The following MRPL37 variants were observed in gnomAD, a reference collection of about 807,000 sequenced individuals.
MRPL37 encodes mitochondrial ribosomal protein L37, also known as large ribosomal subunit protein mL37.
Under a neutral mutation model 44.1 loss-of-function variants are expected in MRPL37, and 34 were observed. The observed-to-expected ratio is 0.77, with a 90% CI of 0.59 to 1.03. MRPL37 has a LOEUF of 1.03. Among genes scored for constraint, MRPL37 ranks in the 50% least tolerant of loss-of-function variants. MRPL37 has a pLI of 0.00. For synonymous variants in MRPL37, 212 were observed against 219.5 expected, an observed-to-expected ratio of 0.97 and a Z score of 0.30; for missense variants, 532 against 543.7, an observed-to-expected ratio of 0.98 and a Z score of 0.21.
downstream of MRPL37, among the ~76,000 whole-genome samples, chr1:54,224,434 G>A (rs949097496): frequency 3.3e-5 from 5 of 152,138 alleles, no homozygotes; most frequent in Non-Finnish European, 4.4e-5. Context: ...AGCACTTCAC[G>A]GTGCTAACCT....
In MRPL37 at chr1:54,218,221, T is replaced by C; in HGVS notation, c.1244T>C (p.Leu415Ser). 2 of 1,614,252 alleles carry C rather than the reference T, an allele frequency of 1.2e-6. No individual in the cohort carries two copies. Among genetic ancestry groups the C allele is most frequent in the South Asian group, 2.2e-5 (2 of 91,078 alleles). The change falls in exon 7 of 7, where the codon TTA (leucine) becomes TCA (serine). Residue 415 changes from leucine to serine, a missense_variant. Transcript: ENST00000360840. The stretch of plus-strand genomic sequence containing the variant: ...AAGCCAGAGACATTCAGAAAGTTTT[T>C]AGCTCTATATTTGCATGGTGCTGCG... ...GFKPETFRKF[L>S]ALYLHGAA is the part of the protein sequence containing the mutation.
chr1:54,225,044 GA>G, downstream of MRPL37: 1 of 1,206,500 alleles, frequency 8.3e-7, no homozygotes, highest in Non-Finnish European at 1.0e-6. Flanking sequence ...AGAAAGCAGG[GA>G]GTGGCTGTGG....
At chr1:54,209,804 C>G (rs925725654) in intron 3 of MRPL37, 142 bp from the exon 4 acceptor site, 10 of 811,294 alleles carry the variant, frequency 1.2e-5, no homozygotes, top group Non-Finnish European at 1.9e-5. Flanking sequence ...GTCATGTTGC[C>G]CAGGCTGACC....
At chr1:54,222,012 C>T (rs915283762), downstream of MRPL37, among the ~76,000 whole-genome samples, 2 of 152,222 alleles carry the variant, frequency 1.3e-5, no homozygotes, top group African/African-American at 4.8e-5. Context: ...CTTCCCCACA[C>T]CTGGGCGCCT....
chr1:54,223,166 C>T (rs953243898), downstream of MRPL37, among the ~76,000 whole-genome samples: 3 of 152,216 alleles, frequency 2.0e-5, no homozygotes, highest in Admixed American at 1.3e-4. Flanking sequence ...TTACATCCAA[C>T]CCCCAGCCCC....
At chr1:54,223,824 A>G (rs533613263), downstream of MRPL37, among the ~76,000 whole-genome samples, 13 of 152,282 alleles carry the variant, frequency 8.5e-5, no homozygotes, top group Non-Finnish European at 1.8e-4. Context: ...GTATCTTTCC[A>G]CTGGCTCATG....
In MRPL37 at chr1:54,200,295, C is replaced by T. The variant is rs1644068010; in HGVS notation, c.52C>T (p.Leu18Phe). Residue 18 changes from leucine (L) to phenylalanine (F), a missense_variant, in exon 1 of 7, where the codon CTC (leucine) becomes TTC (phenylalanine). Coordinates refer to ENST00000360840, the MANE Select transcript of MRPL37 (RefSeq NM_016491.4). ...ARRALAGSGQ[L>F]GLGGFGAPRR... ...GCGGGCGCTAGCTGGCTCCGGGCAG[C>T]TCGGCCTTGGGGGCTTCGGGGCCCC... is the stretch of plus-strand genomic sequence containing the variant. 1 of 1,610,450 alleles carries T rather than the reference C, an allele frequency of 6.2e-7. No homozygotes were observed. The highest frequency in any genetic ancestry group is 8.5e-7 in the Non-Finnish European group (1 of 1,178,624).
intron 3 of MRPL37, among the ~76,000 whole-genome samples, chr1:54,208,103 C>T (rs531117936): frequency 6.6e-6 from 1 of 152,298 alleles, no homozygotes; most frequent in South Asian, 2.1e-4. Flanking sequence ...GCTGATGAGT[C>T]AGATGTGAGT....
chr1:54,209,983 C>G lies in MRPL37; in HGVS notation c.684C>G (p.Ala228=), dbSNP rs751084439. 6.2e-7 allele frequency: 1 copy of G among 1,614,104 alleles called. No individual in the cohort carries two copies. Among genetic ancestry groups the G allele is most frequent in the Non-Finnish European group, 8.5e-7 (1 of 1,180,028 alleles). ...LLLQVRGSGG[A]RLSTKDPLPT... is the part of the protein sequence containing the mutation. The stretch of plus-strand genomic sequence containing the variant: ...TTCAAGTCCGTGGTTCTGGTGGAGC[C>G]CGACTGAGCACTAAGGATCCTCTGC... The change falls in exon 4 of 7, where the codon GCC becomes GCG. Residue 228 remains alanine, a synonymous_variant. Transcript: ENST00000360840.
downstream of MRPL37, chr1:54,225,011 T>A: frequency 9.2e-7 from 1 of 1,085,576 alleles, no homozygotes; most frequent in Non-Finnish European, 1.2e-6. Flanking sequence ...GGGCCTGGGG[T>A]GAAGCCAGTC....
At chr1:54,216,974 G>C (rs1441809766) in intron 6 of MRPL37, among the ~76,000 whole-genome samples, 1 of 152,038 alleles carries the variant, frequency 6.6e-6, no homozygotes, top group East Asian at 1.9e-4. Context: ...GCACCATTGT[G>C]CTGCACCCCA....
rs553938027 is a variant in MRPL37, at chr1:54,212,069, T to C, written c.833-432T>C. ...CTTTCTTTTGAATAATTACCACAGATTTCAAGTTCTCCTTCTCCTAACATC... is the reference window on the plus strand; with the variant it reads ...CTTTCTTTTGAATAATTACCACAGACTTCAAGTTCTCCTTCTCCTAACATC... On this transcript the variant is annotated intron_variant, in intron 4 of 6. Transcript: ENST00000360840. 2.0e-5 allele frequency among the ~76,000 whole-genome samples: 3 copies of C among 152,352 alleles called. No homozygotes were observed. In the East Asian group the frequency reaches 5.8e-4, roughly 29 times the overall value.
intron 3 of MRPL37, 108 bp from the exon 4 acceptor site, chr1:54,209,837 TC>T: frequency 1.8e-6 from 2 of 1,109,206 alleles, no homozygotes; most frequent in South Asian, 3.2e-5. Flanking sequence ...CTTCCAATGA[TC>T]CACCTGCCTT....
intron 1 of MRPL37, 126 bp downstream of exon 1, chr1:54,200,715 C>G: frequency 9.5e-7 from 1 of 1,053,628 alleles, no homozygotes; most frequent in Non-Finnish European, 1.4e-6. Context: ...CGAAATGGGG[C>G]CGTAGTGATT....
In MRPL37 at chr1:54,205,110, A is replaced by C; in HGVS notation, c.439A>C (p.Ile147Leu). ...CCTTGTTGATGATCCAAGGAACCAC[A>C]TAGAGAACCAAGACGAGTGCGTTCT... Reference protein sequence around the residue: ...LSLVDDPRNHIENQDECVLNV... With the variant: ...LSLVDDPRNHLENQDECVLNV... The change falls in exon 2 of 7, where the codon ATA becomes CTA. Residue 147 changes from isoleucine (I) to leucine (L), a missense_variant. Transcript: ENST00000360840. 6.2e-7 allele frequency: 1 copy of C among 1,614,184 alleles called. No individual in the cohort carries two copies. The highest frequency in any genetic ancestry group is 8.5e-7 in the Non-Finnish European group (1 of 1,180,042).
At chr1:54,205,493 C>T (rs1310778054) in intron 3 of MRPL37, 83 bp downstream of exon 3, 2 of 1,156,932 alleles carry the variant, frequency 1.7e-6, no homozygotes, top group Non-Finnish European at 2.5e-6. Context: ...TCCCATCCCC[C>T]TGCCCCCAAA....
chr1:54,205,295 C>T lies in MRPL37; in HGVS notation c.531C>T (p.Cys177=), dbSNP rs763437881. 6.2e-7 allele frequency: 1 copy of T among 1,612,468 alleles called. No individual in the cohort carries two copies. Among genetic ancestry groups the T allele is most frequent in the Admixed American group, 1.7e-5 (1 of 59,938 alleles). Residue 177 remains cysteine, a splice_region_variant and synonymous_variant, in exon 3 of 7, where the codon TGC becomes TGT. Transcript: ENST00000360840. ...CCAAATGTCTCTTTTTGTCTTCAAG[C>T]CCGGTCATCGTGGACAACCTAATAC... ...TEEIPKRETY[C]PVIVDNLIQL...
At chr1:54,203,677 T>C (rs1460566176) in intron 1 of MRPL37, among the ~76,000 whole-genome samples, 1 of 151,964 alleles carries the variant, frequency 6.6e-6, no homozygotes, top group Admixed American at 6.6e-5. Flanking sequence ...GGTTTTACCA[T>C]GTTGGCCAGG....
At chr1:54,223,617 G>A (rs1172901649), downstream of MRPL37, among the ~76,000 whole-genome samples, 1 of 152,206 alleles carries the variant, frequency 6.6e-6, no homozygotes, top group Admixed American at 6.5e-5. Context: ...AGGCAGGTGT[G>A]GGGTCCTGTC....
Sources: allele counts gnomAD v4.1 joint callset (sites outside exome capture counted in the v4.1 genomes callset), GRCh38; gene constraint gnomAD v4.1.1; transcripts MANE v1.5; gene names NCBI Gene and HGNC (gene_info 2026-07-23, HGNC 2026-07-21).